Variants in MAGI2 observed in about 807,000 individuals in gnomAD.
The protein encoded by MAGI2 is membrane-associated guanylate kinase, WW and PDZ domain-containing protein 2.
MAGI2 carries 35 observed loss-of-function variants against 133.3 expected under a neutral mutation model. The ratio of observed to expected loss-of-function variants is 0.26; its 90% confidence interval spans 0.20 to 0.35. MAGI2 has a LOEUF of 0.35. Ranked by LOEUF, MAGI2 falls within the 10% of genes least tolerant of loss-of-function variation. The pLI is 1.00. For missense variants in MAGI2, 1,636 were observed against 1,863.4 expected (o/e 0.88, Z 2.25); for synonymous variants, 729 against 710.6 (o/e 1.03, Z -0.41).
intron 1 of MAGI2, among the ~76,000 whole-genome samples, chr7:79,357,684 T>C (rs1303869091): frequency 6.6e-6 from 1 of 152,172 alleles, no homozygotes; most frequent in Non-Finnish European, 1.5e-5. Flanking sequence ...TCATCTATTT[T>C]GACTTAAAAC....
intron 10 of MAGI2, among the ~76,000 whole-genome samples, chr7:78,212,603 A>G (rs1787877009): frequency 1.3e-5 from 2 of 152,224 alleles, no homozygotes; most frequent in Admixed American, 6.5e-5. Flanking sequence ...TCTGACCTAC[A>G]GTACTATAAG....
intron 7 of MAGI2, chr7:78,349,985 G>C (rs1000680212): frequency 1.3e-5 from 2 of 152,192 alleles, no homozygotes; most frequent in Non-Finnish European, 2.9e-5. Flanking sequence ...AAGCTGGGAA[G>C]CTACCAAGAG....
At chr7:78,890,847 A>C (rs1796684009) in intron 2 of MAGI2, among the ~76,000 whole-genome samples, 1 of 152,140 alleles carries the variant, frequency 6.6e-6, no homozygotes, top group Non-Finnish European at 1.5e-5. Context: ...CACATTCAAA[A>C]GCTAGCAGAA....
chr7:78,888,074 G>C (rs1417538339), intron 2 of MAGI2, among the ~76,000 whole-genome samples: 2 of 152,192 alleles, frequency 1.3e-5, no homozygotes, highest in Non-Finnish European at 2.9e-5. Context: ...GGCATACCAG[G>C]AGATTATATC....
At chr7:78,663,595 T>A (rs1813220827) in intron 2 of MAGI2, among the ~76,000 whole-genome samples, 1 of 152,152 alleles carries the variant, frequency 6.6e-6, no homozygotes, top group South Asian at 2.1e-4. Context: ...CACAAACTAT[T>A]TTCTAATAAA....
At chr7:78,828,932 A>G (rs1386078809) in intron 2 of MAGI2, among the ~76,000 whole-genome samples, 1 of 152,184 alleles carries the variant, frequency 6.6e-6, no homozygotes, top group Non-Finnish European at 1.5e-5. Flanking sequence ...AAACAAAAGT[A>G]TATCAGGTTC....
Position 79,349,102 on chromosome 7 carries a change from G to A in MAGI2, c.301+103918C>T, listed in dbSNP as rs1005655006. ...GTACATAAAAGAGGCTATCTTTAAGGTTTTATGGATTTATAAAACGTAACA... is the reference window on the plus strand; with the variant it reads ...GTACATAAAAGAGGCTATCTTTAAGATTTTATGGATTTATAAAACGTAACA... On this transcript the variant is annotated intron_variant, in intron 1 of 21. Coordinates refer to ENST00000354212, the MANE Select transcript of MAGI2 (RefSeq NM_012301.4). 4.0e-5 allele frequency among the ~76,000 whole-genome samples: 6 copies of A among 151,830 alleles called. No individual in the cohort carries two copies. The South Asian group carries it at 1.0e-3, about 26-fold the overall frequency.
chr7:78,132,966 T>C lies in MAGI2; in HGVS notation c.3126A>G (p.Pro1042=). ...TGGGGCTGTTGGGGGTGGCTGGGCTTGGCTGGGCCAGGGGACTCTGCTGTG... is the reference window on the plus strand; with the variant it reads ...TGGGGCTGTTGGGGGTGGCTGGGCTCGGCTGGGCCAGGGGACTCTGCTGTG... ...PLAQQSPLAQ[P]SPATPNSPIA... is the part of the protein sequence containing the mutation. The change falls in exon 18 of 22, where the codon CCA becomes CCG. Residue 1042 remains proline, a synonymous_variant. Coordinates refer to ENST00000354212, the MANE Select transcript of MAGI2 (RefSeq NM_012301.4). 2.5e-6 allele frequency: 4 copies of C among 1,613,576 alleles called. No individual in the cohort carries two copies. The highest frequency in any genetic ancestry group is 3.4e-6 in the Non-Finnish European group (4 of 1,179,768).
intron 1 of MAGI2, among the ~76,000 whole-genome samples, chr7:79,394,966 A>C (rs1455440448): frequency 6.6e-6 from 1 of 152,204 alleles, no homozygotes; most frequent in Non-Finnish European, 1.5e-5. Flanking sequence ...TAGATTTTGC[A>C]CTTCAATTTT....
At chr7:78,965,225 A>C (rs1165104678) in intron 2 of MAGI2, among the ~76,000 whole-genome samples, 1 of 151,680 alleles carries the variant, frequency 6.6e-6, no homozygotes, top group Admixed American at 6.6e-5. Context: ...AACATATATT[A>C]TCAATGTATG....
chr7:78,370,293 T>G (rs1486321413), intron 6 of MAGI2, among the ~76,000 whole-genome samples: 1 of 152,064 alleles, frequency 6.6e-6, no homozygotes, highest in Non-Finnish European at 1.5e-5. Flanking sequence ...TAGCCTTATA[T>G]TTCTACTTAA....
chr7:78,449,048 T>C (rs1246171281), intron 6 of MAGI2, among the ~76,000 whole-genome samples: 1 of 152,058 alleles, frequency 6.6e-6, no homozygotes, highest in African/African-American at 2.4e-5. Flanking sequence ...TAGGAGATAT[T>C]AGACATAAAA....
intron 9 of MAGI2, among the ~76,000 whole-genome samples, chr7:78,296,167 A>G (rs1374930028): frequency 6.6e-6 from 1 of 152,140 alleles, no homozygotes; most frequent in Non-Finnish European, 1.5e-5. Flanking sequence ...TAAAAATCCA[A>G]GTTTTATTAT....
chr7:78,286,337 T>C (rs1455848633), intron 9 of MAGI2, among the ~76,000 whole-genome samples: 1 of 152,132 alleles, frequency 6.6e-6, no homozygotes, highest in African/African-American at 2.4e-5. Flanking sequence ...CATCATCTAC[T>C]AGGGGAGCTG....
At chr7:78,560,763 A>C (rs1387431958) in intron 3 of MAGI2, among the ~76,000 whole-genome samples, 1 of 152,134 alleles carries the variant, frequency 6.6e-6, no homozygotes, top group South Asian at 2.1e-4. Flanking sequence ...GCTCTTAACC[A>C]TTACACAATC....
At chr7:79,259,676 T>C (rs1233525491) in intron 1 of MAGI2, among the ~76,000 whole-genome samples, 1 of 152,226 alleles carries the variant, frequency 6.6e-6, no homozygotes, top group Non-Finnish European at 1.5e-5. Context: ...ATGCTAAGAA[T>C]TTTTTGTTCC....
intron 2 of MAGI2, among the ~76,000 whole-genome samples, chr7:78,840,976 C>T (rs1216543465): frequency 6.6e-6 from 1 of 151,920 alleles, no homozygotes; most frequent in African/African-American, 2.4e-5. Context: ...TCGTTCCATT[C>T]GTTATGCCCT....
rs1804093786 is a variant in MAGI2, at chr7:78,592,340, A to ACT, written c.538+34779_538+34780insAG. Among the ~76,000 whole-genome samples the ACT allele has an allele frequency of 2.0e-5, 3 of 147,326 alleles. No individual in the cohort carries two copies. In the South Asian group the frequency reaches 6.4e-4, roughly 31 times the overall value. The stretch of plus-strand genomic sequence containing the variant: ...AGGACCAGAGAGTAAATAGTAGACT[A>ACT]TTTTTTTTTTTTTCCTGTAAAGGAC... On this transcript the variant is annotated intron_variant, in intron 3 of 21. Transcript: ENST00000354212.
intron 3 of MAGI2, among the ~76,000 whole-genome samples, chr7:78,580,610 T>A (rs1413610259): frequency 6.6e-6 from 1 of 152,176 alleles, no homozygotes; most frequent in African/African-American, 2.4e-5. Flanking sequence ...TTCCTCATGA[T>A]CATTCATAGC....
Sources: allele counts gnomAD v4.1 joint callset (sites outside exome capture counted in the v4.1 genomes callset), GRCh38; gene constraint gnomAD v4.1.1; transcripts MANE v1.5; gene names NCBI Gene and HGNC (gene_info 2026-07-23, HGNC 2026-07-21).